GPATCH8: variants seen among roughly 807,000 people sequenced by gnomAD.
GPATCH8 encodes G patch domain-containing protein 8.
A neutral mutation model predicts 118.3 loss-of-function variants in GPATCH8; 18 were observed. The observed-to-expected ratio is 0.15, with a 90% CI of 0.11 to 0.23. The LOEUF is 0.23. Among genes scored for constraint, GPATCH8 ranks in the 10% least tolerant of loss-of-function variants. The pLI is 1.00. For synonymous variants in GPATCH8, 659 were observed against 684.7 expected (o/e 0.96, Z 0.59); for missense variants, 1,631 against 1,873.8 (o/e 0.87, Z 2.39).
rs2143560330 is a variant in GPATCH8, at chr17:44,397,237, G to A, written c.*331C>T. 5.9e-6 allele frequency: 3 copies of A among 508,768 alleles called. No individual in the cohort carries two copies. Among genetic ancestry groups the A allele is most frequent in the South Asian group, 4.6e-5 (3 of 64,940 alleles). The allele number at this position is 508,768 out of a possible 1,614,324, so 31.5% of individuals were successfully genotyped here. A position where few individuals can be genotyped will look rare whatever the true frequency, so the allele number is the denominator to read the frequency against. On this transcript the variant is annotated 3_prime_UTR_variant, in exon 8 of 8. Transcript: ENST00000591680. Reference sequence around the variant, plus strand: ...AAATTTACAGAAGGGAAGAGCAGAGGAAAAAAGCAGAGGGAGGAGGGGATT... The same window carrying A: ...AAATTTACAGAAGGGAAGAGCAGAGAAAAAAAGCAGAGGGAGGAGGGGATT...
rs2048851094 is a variant in GPATCH8, at chr17:44,398,190, C to G, written c.3887G>C (p.Gly1296Ala). Residue 1296 changes from glycine to alanine, a missense_variant, in exon 8 of 8, where the codon GGG (glycine) becomes GCG (alanine). Transcript: ENST00000591680. ...GGGGGCCAGTGAAGCATCCTCAGCC[C>G]CATCTGTTGACTCAATACTAGGATC... is the stretch of plus-strand genomic sequence containing the variant. ...SGDPSIESTD[G>A]AEDASLAPLE... 1 of 1,613,580 alleles carries G rather than the reference C, an allele frequency of 6.2e-7. No individual in the cohort carries two copies. Among genetic ancestry groups the G allele is most frequent in the East Asian group, 2.2e-5 (1 of 44,866 alleles).
At position 44,396,653 on chromosome 17, in the gene GPATCH8, A is replaced by G. The variant is rs557366304; in HGVS notation, c.*915T>C. ...ATATTTACACAAAGCCACCAGAACGAGGATCACTTAAAGAGCTGGATGTAA... is the reference window on the plus strand; with the variant it reads ...ATATTTACACAAAGCCACCAGAACGGGGATCACTTAAAGAGCTGGATGTAA... On this transcript the variant is annotated 3_prime_UTR_variant, in exon 8 of 8. Transcript: ENST00000591680. The G allele has an allele frequency of 2.0e-5, 9 of 448,084 alleles. No homozygotes were observed. Among genetic ancestry groups the G allele is most frequent in the African/African-American group, 1.6e-4 (8 of 49,644 alleles). 27.8% of individuals were successfully genotyped at this position (448,084 alleles called of 1,614,324 possible).
chr17:44,419,286 G>A (rs1235321182), intron 6 of GPATCH8, among the ~76,000 whole-genome samples: 1 of 152,182 alleles, frequency 6.6e-6, no homozygotes, highest in Non-Finnish European at 1.5e-5. Context: ...TATTATCTCA[G>A]ATTCATAATA....
At chr17:44,470,628 C>T (rs1343028330) in intron 2 of GPATCH8, among the ~76,000 whole-genome samples, 1 of 151,968 alleles carries the variant, frequency 6.6e-6, no homozygotes, top group Non-Finnish European at 1.5e-5. Flanking sequence ...TCCTGAGTAG[C>T]TGGGTAATCC....
At chr17:44,458,088 C>CA (rs368372910) in intron 3 of GPATCH8, among the ~76,000 whole-genome samples, 1,711 of 91,442 alleles carry the variant, frequency 0.019, 14 homozygotes, top group Middle Eastern at 0.034. Context: ...GACTCCATTT[C>CA]AAAAAAAAAA....
At chr17:44,432,654 G>A (rs1490362076) in intron 5 of GPATCH8, among the ~76,000 whole-genome samples, 1 of 152,150 alleles carries the variant, frequency 6.6e-6, no homozygotes, top group African/African-American at 2.4e-5. Flanking sequence ...TGGTGCTAGA[G>A]GGGAAAAGTA....
chr17:44,397,018 G>A lies in GPATCH8; in HGVS notation c.*550C>T, dbSNP rs1007650951. The stretch of plus-strand genomic sequence containing the variant: ...CAGCCTGAGTTATATCAGGTTCCAG[G>A]TGAGACGCTTTCCACCTCACCTGGG... On this transcript the variant is annotated 3_prime_UTR_variant, in exon 8 of 8. Transcript: ENST00000591680. 1 of 453,906 alleles carries A rather than the reference G, an allele frequency of 2.2e-6. No homozygotes were observed. 28.1% of individuals were successfully genotyped at this position (453,906 alleles called of 1,614,324 possible).
At chr17:44,490,923 G>A (rs1160909911) in intron 1 of GPATCH8, among the ~76,000 whole-genome samples, 1 of 152,174 alleles carries the variant, frequency 6.6e-6, no homozygotes, top group African/African-American at 2.4e-5. Context: ...TATCAATAAA[G>A]ACAGGAATTG....
At chr17:44,495,337 A>G (rs1186285914) in intron 1 of GPATCH8, among the ~76,000 whole-genome samples, 1 of 152,182 alleles carries the variant, frequency 6.6e-6, no homozygotes, top group Non-Finnish European at 1.5e-5. Context: ...CTGTCTGAAA[A>G]AAATAAAATA....
At position 44,477,558 on chromosome 17, in the gene GPATCH8, A is replaced by G. The variant is rs1967873870; in HGVS notation, c.46-2655T>C. ...TTGGACTATATACTTTAAAATAGTTAAAGTGATAAATTTTATGTTACACAT... is the reference window on the plus strand; with the variant it reads ...TTGGACTATATACTTTAAAATAGTTGAAGTGATAAATTTTATGTTACACAT... On this transcript the variant is annotated intron_variant, in intron 1 of 7. Coordinates refer to ENST00000591680, the MANE Select transcript of GPATCH8 (RefSeq NM_001002909.4). Among the ~76,000 whole-genome samples the G allele has an allele frequency of 3.3e-5, 5 of 152,162 alleles. No individual in the cohort carries two copies. The South Asian group carries it at 1.0e-3, about 32-fold the overall frequency.
At position 44,426,850 on chromosome 17, in the gene GPATCH8, T is replaced by A. The variant is rs78751659; in HGVS notation, c.349-2358A>T. Reference sequence around the variant, plus strand: ...TCTCTTCAACAACACACACACACACTCTCTCTCTCTCTCTCTCTCTCTCTC... The same window carrying A: ...TCTCTTCAACAACACACACACACACACTCTCTCTCTCTCTCTCTCTCTCTC... On this transcript the variant is annotated intron_variant, in intron 5 of 7. Transcript: ENST00000591680. Among the ~76,000 whole-genome samples, 170 of 28,164 alleles carry A rather than the reference T, an allele frequency of 6.0e-3. 1 individual carries two copies. Among genetic ancestry groups the A allele is most frequent in the African/African-American group, 0.016 (122 of 7,784 alleles). 18.5% of individuals were successfully genotyped at this position (28,164 alleles called of 152,430 possible).
intron 1 of GPATCH8, among the ~76,000 whole-genome samples, chr17:44,489,191 G>C (rs1027047594): frequency 6.6e-5 from 10 of 152,208 alleles, no homozygotes; most frequent in African/African-American, 2.4e-4. Flanking sequence ...TACCCTTTGG[G>C]AAAGTTAAGA....
chr17:44,503,231 A>G (rs1568085711), intron 1 of GPATCH8, 95 bp downstream of exon 1: 1 of 1,195,298 alleles, frequency 8.4e-7, no homozygotes, highest in East Asian at 2.5e-5. Flanking sequence ...AAGTCGGAGC[A>G]AAACTGGAAG....
chr17:44,413,018 G>C lies in GPATCH8; in HGVS notation c.493-6967C>G, dbSNP rs78369485. On this transcript the variant is annotated intron_variant, in intron 6 of 7. Coordinates refer to ENST00000591680, the MANE Select transcript of GPATCH8 (RefSeq NM_001002909.4). ...TCACCAGGTGGTGGGTGAGAGAAAA[G>C]ACCAGGAGAGAATATAGAATGTTTC... 6.6e-5 allele frequency among the ~76,000 whole-genome samples: 10 copies of C among 152,324 alleles called. No individual in the cohort carries two copies. In the East Asian group the frequency reaches 1.9e-3, roughly 29 times the overall value.
At chr17:44,411,284 G>A (rs1363833871) in intron 6 of GPATCH8, among the ~76,000 whole-genome samples, 2 of 152,196 alleles carry the variant, frequency 1.3e-5, no homozygotes, top group African/African-American at 4.8e-5. Context: ...AAGAGCAACA[G>A]TGTTCCTGCT....
chr17:44,447,161 ATTTTT>A (rs555723475), intron 3 of GPATCH8, among the ~76,000 whole-genome samples: 4 of 137,436 alleles, frequency 2.9e-5, no homozygotes, highest in Non-Finnish European at 4.7e-5. Flanking sequence ...ATAAAAAAAA[ATTTTT>A]TTTTTTTTAA....
At chr17:44,502,844 T>C (rs1265530859) in intron 1 of GPATCH8, among the ~76,000 whole-genome samples, 2 of 152,006 alleles carry the variant, frequency 1.3e-5, no homozygotes, top group Non-Finnish European at 2.9e-5. Context: ...AAGCAGACAA[T>C]GAAAGGAATT....
Position 44,396,054 on chromosome 17 carries a change from G to GT in GPATCH8, c.*1513dup. The GT allele has an allele frequency of 2.2e-6, 1 of 454,532 alleles. No individual in the cohort carries two copies. Among genetic ancestry groups the GT allele is most frequent in the Non-Finnish European group, 4.4e-6 (1 of 226,796 alleles). The allele number at this position is 454,532 out of a possible 1,614,324, so 28.2% of individuals were successfully genotyped here. On this transcript the variant is annotated 3_prime_UTR_variant, in exon 8 of 8. Coordinates refer to ENST00000591680, the MANE Select transcript of GPATCH8 (RefSeq NM_001002909.4). The stretch of plus-strand genomic sequence containing the variant: ...ATGGAAACTATGAAGCAAAATATCT[G>GT]TAAATGTGCTCACCTCCCAACAAAA...
intron 6 of GPATCH8, among the ~76,000 whole-genome samples, chr17:44,406,490 C>T (rs2049225505): frequency 8.4e-5 from 1 of 11,908 alleles, no homozygotes; most frequent in East Asian, 2.5e-3. Context: ...CAATGTACAG[C>T]TTACATGGGG....
Sources: gnomAD v4.1 joint callset for allele counts (sites outside exome capture counted in the v4.1 genomes callset) on GRCh38, gnomAD v4.1.1 for gene constraint, MANE v1.5 for transcripts, NCBI Gene and HGNC (gene_info 2026-07-23, HGNC 2026-07-21) for gene names.